Variants in NRXN3 observed in about 807,000 individuals in gnomAD.
NRXN3 encodes neurexin III.
A neutral mutation model predicts 137.6 loss-of-function variants in NRXN3; 32 were observed. That is an observed-to-expected ratio of 0.23 (90% CI 0.18 to 0.31). The LOEUF is 0.31. Among genes scored for constraint, NRXN3 ranks in the 10% least tolerant of loss-of-function variants. The probability of loss-of-function intolerance (pLI) is 1.00; values close to 1 mark genes in which losing one functional copy is unlikely to be tolerated. For synonymous variants in NRXN3, 798 were observed against 784.5 expected (o/e 1.02, Z -0.29); for missense variants, 1,574 against 2,062.5 (o/e 0.76, Z 4.59).
intron 16 of NRXN3, among the ~76,000 whole-genome samples, chr14:79,607,748 C>T (rs2098040435): frequency 6.6e-6 from 1 of 150,562 alleles, no homozygotes; most frequent in Non-Finnish European, 1.5e-5. Context: ...TCTTGGCTCA[C>T]TGTAACCTCC....
chr14:78,715,184 G>A, intron 8 of NRXN3, 45 bp downstream of exon 8: 1 of 1,577,940 alleles, frequency 6.3e-7, no homozygotes, highest in Non-Finnish European at 8.6e-7. Flanking sequence ...GAGTGGGGCT[G>A]ATGTGTTACA....
In NRXN3 at chr14:78,854,754, A is replaced by G. The variant is rs1289852494; in HGVS notation, c.2275+44410A>G. Among the ~76,000 whole-genome samples, 4 of 152,268 alleles carry G rather than the reference A, an allele frequency of 2.6e-5. No homozygotes were observed. The East Asian group carries it at 7.7e-4, about 29-fold the overall frequency. On this transcript the variant is annotated intron_variant, in intron 10 of 20. Transcript: ENST00000335750. ...CAAAATAGGTTTTTGCTAAGCCTAC[A>G]TTAGTTAGAATGGGAAATATATATA...
intron 16 of NRXN3, among the ~76,000 whole-genome samples, chr14:79,541,630 A>T (rs2097273718): frequency 6.6e-6 from 1 of 152,220 alleles, no homozygotes; most frequent in Admixed American, 6.5e-5. Context: ...GGTCTCCCAG[A>T]CACTCATGTA....
chr14:78,433,837 G>T (rs1261083391), intron 4 of NRXN3, among the ~76,000 whole-genome samples: 2 of 152,034 alleles, frequency 1.3e-5, no homozygotes, highest in South Asian at 2.1e-4. Context: ...TAAAACAGTG[G>T]CTCGGACAAC....
intron 16 of NRXN3, among the ~76,000 whole-genome samples, chr14:79,528,326 A>G (rs2097139941): frequency 6.6e-6 from 1 of 152,162 alleles, no homozygotes; most frequent in African/African-American, 2.4e-5. Flanking sequence ...GTAAAGGGAG[A>G]TAAGATTAAA....
chr14:79,033,253 A>G (rs1308324204), intron 15 of NRXN3, among the ~76,000 whole-genome samples: 1 of 152,040 alleles, frequency 6.6e-6, no homozygotes, highest in Non-Finnish European at 1.5e-5. Context: ...CCTTGTATTT[A>G]CTTGTTTGCT....
chr14:78,535,009 TTGTTA>T (rs1231198108), intron 4 of NRXN3, among the ~76,000 whole-genome samples: 2 of 152,162 alleles, frequency 1.3e-5, no homozygotes, highest in East Asian at 3.8e-4. Context: ...GATTGTTCCT[TTGTTA>T]TAAGTAAAGA....
chr14:78,400,281 G>A (rs907874080), intron 4 of NRXN3, among the ~76,000 whole-genome samples: 1 of 152,114 alleles, frequency 6.6e-6, no homozygotes, highest in African/African-American at 2.4e-5. Context: ...AATACAGCAG[G>A]CAAAAGTCAG....
intron 4 of NRXN3, among the ~76,000 whole-genome samples, chr14:78,486,740 T>C (rs566360851): frequency 6.6e-6 from 1 of 152,288 alleles, no homozygotes; most frequent in South Asian, 2.1e-4. Context: ...TGTCCATGAC[T>C]GTGAACTTTT....
intron 2 of NRXN3, among the ~76,000 whole-genome samples, chr14:78,261,536 A>C (rs1187134980): frequency 6.6e-6 from 1 of 152,200 alleles, no homozygotes; most frequent in Non-Finnish European, 1.5e-5. Context: ...CACTATCCAA[A>C]AGGCTTTTTG....
chr14:79,504,825 A>G (rs946594441), intron 16 of NRXN3, among the ~76,000 whole-genome samples: 1 of 151,862 alleles, frequency 6.6e-6, no homozygotes, highest in Non-Finnish European at 1.5e-5. Context: ...TGTAGTTTTG[A>G]AATTTGAAAA....
chr14:79,710,606 A>G (rs562661671), intron 19 of NRXN3, among the ~76,000 whole-genome samples: 35 of 152,330 alleles, frequency 2.3e-4, no homozygotes, highest in Admixed American at 1.8e-3. Context: ...AATGCTGTAT[A>G]CTTCCACAGT....
chr14:78,469,865 G>A (rs911576667), intron 4 of NRXN3, among the ~76,000 whole-genome samples: 2 of 152,186 alleles, frequency 1.3e-5, no homozygotes, highest in Non-Finnish European at 2.9e-5. Flanking sequence ...TGATTGGAAA[G>A]CTAAAACTGC....
intron 8 of NRXN3, among the ~76,000 whole-genome samples, chr14:78,796,512 T>G (rs2098822343): frequency 6.6e-6 from 1 of 152,134 alleles, no homozygotes; most frequent in Non-Finnish European, 1.5e-5. Context: ...AAGCAGCTTA[T>G]AGGGAGCAGG....
intron 15 of NRXN3, among the ~76,000 whole-genome samples, chr14:79,353,361 G>T (rs376892897): frequency 6.6e-5 from 10 of 152,114 alleles, no homozygotes; most frequent in East Asian, 5.8e-4. Flanking sequence ...TAATGAGTAT[G>T]TATTAAGGGG....
At chr14:78,967,113 G>C (rs1352366661) in intron 12 of NRXN3, 95 bp from the exon 13 acceptor site, 2 of 990,656 alleles carry the variant, frequency 2.0e-6, no homozygotes, top group Admixed American at 2.7e-5. Context: ...TTTAGCATGG[G>C]GGATTTGAAG....
chr14:78,394,594 G>T (rs1241331087), intron 4 of NRXN3, among the ~76,000 whole-genome samples: 1 of 151,712 alleles, frequency 6.6e-6, no homozygotes, highest in Non-Finnish European at 1.5e-5. Context: ...AAAATGAATT[G>T]CAGTATCTCC....
chr14:78,750,252 GAC>G (rs1567211977), intron 8 of NRXN3, among the ~76,000 whole-genome samples: 2 of 152,228 alleles, frequency 1.3e-5, no homozygotes, highest in Non-Finnish European at 2.9e-5. Flanking sequence ...GAAGTTTCTT[GAC>G]ACATTTAGCC....
intron 10 of NRXN3, among the ~76,000 whole-genome samples, chr14:78,940,399 A>G (rs2099350805): frequency 6.6e-6 from 1 of 152,176 alleles, no homozygotes; most frequent in South Asian, 2.1e-4. Context: ...TGTGTTCCTT[A>G]GGTATAATGC....
Sources: allele counts gnomAD v4.1 joint callset (sites outside exome capture counted in the v4.1 genomes callset), GRCh38; gene constraint gnomAD v4.1.1; transcripts MANE v1.5; gene names NCBI Gene and HGNC (gene_info 2026-07-23, HGNC 2026-07-21).